Variants in MCTP2 observed in about 807,000 individuals in gnomAD.
MCTP2 encodes the protein multiple C2 and transmembrane domain-containing protein 2.
A neutral mutation model predicts 111.6 loss-of-function variants in MCTP2; 132 were observed. The ratio of observed to expected loss-of-function variants is 1.18; its 90% CI spans 1.03 to 1.37. The LOEUF (loss-of-function observed/expected upper bound fraction) is 1.37, where lower values mean the gene tolerates loss of function less well. Among genes scored for constraint, MCTP2 ranks in the 40% most tolerant of loss-of-function variants. The pLI is 0.00. For missense variants in MCTP2, 1,183 were observed against 1,067.9 expected (o/e 1.11, Z -1.50); for synonymous variants, 395 against 387.7 (o/e 1.02, Z -0.22).
chr15:94,429,755 T>G (rs1567688926), intron 17 of MCTP2, among the ~76,000 whole-genome samples: 2 of 152,170 alleles, frequency 1.3e-5, no homozygotes, highest in Non-Finnish European at 2.9e-5. Context: ...TCCACAAATT[T>G]ACGTATCTAA....
intron 19 of MCTP2, among the ~76,000 whole-genome samples, chr15:94,446,237 C>G (rs1247707159): frequency 6.6e-6 from 1 of 152,166 alleles, no homozygotes; most frequent in Non-Finnish European, 1.5e-5. Context: ...ATGAAATGTA[C>G]AAGCTAAACT....
At chr15:94,437,567 T>C (rs190668768) in intron 17 of MCTP2, among the ~76,000 whole-genome samples, 1 of 152,216 alleles carries the variant, frequency 6.6e-6, no homozygotes, top group Non-Finnish European at 1.5e-5. Flanking sequence ...ATACCAATTA[T>C]CTTTAAATTA....
intron 19 of MCTP2, among the ~76,000 whole-genome samples, chr15:94,452,074 G>C (rs1379582596): frequency 2.9e-4 from 44 of 152,274 alleles, no homozygotes; most frequent in Admixed American, 5.9e-4. Flanking sequence ...CACCAAGCTA[G>C]TAGATGTCAG....
rs78773830 is a variant in MCTP2, at chr15:94,479,991, C to T, written c.*957C>T. On this transcript the variant is annotated 3_prime_UTR_variant, in exon 23 of 23. Coordinates refer to ENST00000357742, the MANE Select transcript of MCTP2 (RefSeq NM_001385001.1). ...GCAGGAAGTAGAAATACTTTGGCTG[C>T]CCAAATGTATCTTTTGTTCCTCTTA... is the stretch of plus-strand genomic sequence containing the variant. The T allele has an allele frequency of 2.4e-4, 36 of 152,166 alleles. No homozygotes were observed. In the East Asian group the frequency reaches 6.6e-3, roughly 28 times the overall value. 9.4% of individuals were successfully genotyped at this position (152,166 alleles called of 1,614,324 possible). A position where few individuals can be genotyped will look rare whatever the true frequency, so the allele number is the denominator to read the frequency against.
chr15:94,339,578 T>A, intron 5 of MCTP2, 146 bp downstream of exon 5: 2 of 531,542 alleles, frequency 3.8e-6, no homozygotes, highest in Non-Finnish European at 6.1e-6. Context: ...TTCCTTATAC[T>A]GTTTGTTGAA....
At chr15:94,470,255 T>G in intron 20 of MCTP2, 78 bp from the exon 21 acceptor site, 2 of 1,089,254 alleles carry the variant, frequency 1.8e-6, no homozygotes, top group East Asian at 2.4e-5. Context: ...ATTATGAACA[T>G]GAAATAAACA....
In MCTP2 at chr15:94,456,848, AAGT is replaced by A. The variant is rs141344626; in HGVS notation, c.2251-1285_2251-1283del. The stretch of plus-strand genomic sequence containing the variant: ...TGTTCTTCCTTTGTCTGTTTCAGCC[AAGT>A]AGTTTCATAAAGGCAGATGCAAGAA... On this transcript the variant is annotated intron_variant, in intron 19 of 22. Coordinates refer to ENST00000357742, the MANE Select transcript of MCTP2 (RefSeq NM_001385001.1). 3.9e-3 allele frequency among the ~76,000 whole-genome samples: 595 copies of A among 152,270 alleles called. 2 individuals are homozygous for A. The highest frequency in any genetic ancestry group is 0.014 in the African/African-American group (579 of 41,542).
chr15:94,317,923 C>T (rs1007837947), intron 4 of MCTP2, among the ~76,000 whole-genome samples: 1 of 115,974 alleles, frequency 8.6e-6, no homozygotes, highest in African/African-American at 3.3e-5. Context: ...CAAGTGTATC[C>T]CTTCTCATTT....
At chr15:94,249,785 A>G (rs1293236702) in intron 1 of MCTP2, among the ~76,000 whole-genome samples, 1 of 152,052 alleles carries the variant, frequency 6.6e-6, no homozygotes, top group Non-Finnish European at 1.5e-5. Flanking sequence ...GTGCCTGGCC[A>G]GAATCTTTTT....
chr15:94,239,888 C>A (rs1191961706), intron 1 of MCTP2, among the ~76,000 whole-genome samples: 1 of 152,132 alleles, frequency 6.6e-6, no homozygotes, highest in Non-Finnish European at 1.5e-5. Context: ...ATAGGTGTGG[C>A]CCTGATCAGT....
chr15:94,340,061 TTAAC>T, intron 5 of MCTP2, 134 bp from the exon 6 acceptor site: 1 of 635,308 alleles, frequency 1.6e-6, no homozygotes. Context: ...AAATTTCTCT[TTAAC>T]TATACTATGC....
intron 5 of MCTP2, 72 bp downstream of exon 5, chr15:94,339,504 G>GATGT (rs2077525788): frequency 4.6e-6 from 6 of 1,299,378 alleles, no homozygotes; most frequent in South Asian, 1.9e-5. Flanking sequence ...TGTCCTCTTA[G>GATGT]ACGTGAACTT....
At chr15:94,393,852 C>G (rs1033372636) in intron 14 of MCTP2, among the ~76,000 whole-genome samples, 2 of 151,820 alleles carry the variant, frequency 1.3e-5, no homozygotes, top group Non-Finnish European at 1.5e-5. Flanking sequence ...GAGTTTGAGG[C>G]CAGCCTGGGC....
At chr15:94,336,893 G>A (rs541590878) in intron 4 of MCTP2, among the ~76,000 whole-genome samples, 4 of 151,906 alleles carry the variant, frequency 2.6e-5, no homozygotes, top group South Asian at 2.1e-4. Context: ...AATTGGTGAC[G>A]GCCCCAGAAT....
chr15:94,402,507 C>T (rs1482009488), intron 17 of MCTP2: 2 of 1,551,798 alleles, frequency 1.3e-6, no homozygotes, highest in Admixed American at 3.9e-5. Context: ...GGAACCACCC[C>T]TGTCTATGAA....
intron 8 of MCTP2, among the ~76,000 whole-genome samples, chr15:94,354,900 C>T (rs866367273): frequency 1.5e-4 from 23 of 152,058 alleles, no homozygotes; most frequent in African/African-American, 5.1e-4. Flanking sequence ...ATATAGCGAG[C>T]GATGACAGGA....
chr15:94,391,279 T>C (rs1468935760), intron 14 of MCTP2, among the ~76,000 whole-genome samples: 1 of 152,226 alleles, frequency 6.6e-6, no homozygotes, highest in African/African-American at 2.4e-5. Context: ...GCATTTTCAA[T>C]TAACTCTATT....
chr15:94,332,904 T>C (rs916023475), intron 4 of MCTP2, among the ~76,000 whole-genome samples: 63 of 152,198 alleles, frequency 4.1e-4, no homozygotes, highest in African/African-American at 1.4e-3. Flanking sequence ...GACATACACA[T>C]AAAGTGAACA....
At chr15:94,390,086 A>ACGTG (rs1567602728) in intron 14 of MCTP2, among the ~76,000 whole-genome samples, 1 of 8,342 alleles carries the variant, frequency 1.2e-4, no homozygotes, top group African/African-American at 2.2e-4. Flanking sequence ...ATATATATAT[A>ACGTG]TATGTATATA....
Sources: gnomAD v4.1 joint callset for allele counts (sites outside exome capture counted in the v4.1 genomes callset) on GRCh38, gnomAD v4.1.1 for gene constraint, MANE v1.5 for transcripts, NCBI Gene and HGNC (gene_info 2026-07-23, HGNC 2026-07-21) for gene names.